PRTFDC1: variants seen among roughly 807,000 people sequenced by gnomAD.
PRTFDC1 encodes the protein phosphoribosyltransferase domain-containing protein 1.
A neutral mutation model predicts 34.6 loss-of-function variants in PRTFDC1; 38 were observed. The observed-to-expected ratio is 1.10, with a 90% CI of 0.85 to 1.44. PRTFDC1 has a LOEUF of 1.44. Among genes scored for constraint, PRTFDC1 ranks in the 40% most tolerant of loss-of-function variants. The pLI, the probability that PRTFDC1 is intolerant of heterozygous loss-of-function variation, is 0.00. For missense variants in PRTFDC1, 270 were observed against 283.0 expected, an observed-to-expected ratio of 0.95 and a Z score of 0.33; for synonymous variants, 93 against 98.1, an observed-to-expected ratio of 0.95 and a Z score of 0.31.
chr10:24,942,447 A>G lies in PRTFDC1; in HGVS notation c.49-11T>C. Reference sequence around the variant, plus strand: ...CCAATCATCCATAATCTGCAAATCAAATTATTTTGGTTATGGTATTTTTTC... The same window carrying G: ...CCAATCATCCATAATCTGCAAATCAGATTATTTTGGTTATGGTATTTTTTC... On this transcript the variant is annotated splice_polypyrimidine_tract_variant and intron_variant, in intron 1 of 8. Transcript: ENST00000320152. 6.3e-7 allele frequency: 1 copy of G among 1,596,002 alleles called. No individual in the cohort carries two copies. Among genetic ancestry groups the G allele is most frequent in the East Asian group, 2.2e-5 (1 of 44,800 alleles).
intron 3 of PRTFDC1, among the ~76,000 whole-genome samples, chr10:24,915,122 C>T (rs1215688631): frequency 6.6e-6 from 1 of 152,098 alleles, no homozygotes; most frequent in Non-Finnish European, 1.5e-5. Flanking sequence ...TCATGAGACA[C>T]ACATGGCTAG....
intron 6 of PRTFDC1, among the ~76,000 whole-genome samples, chr10:24,856,146 G>A: frequency 6.9e-6 from 1 of 145,136 alleles, no homozygotes; most frequent in Admixed American, 7.0e-5. Flanking sequence ...AAAAAAGGTA[G>A]CTGTCCTAGC....
chr10:24,905,664 T>C (rs545799773), intron 3 of PRTFDC1, among the ~76,000 whole-genome samples: 3 of 152,156 alleles, frequency 2.0e-5, no homozygotes, highest in Non-Finnish European at 4.4e-5. Context: ...TCCTGCTGGA[T>C]GGTTTCTTTC....
At chr10:24,855,166 TCA>T in intron 7 of PRTFDC1, 150 bp downstream of exon 7, 1 of 688,552 alleles carries the variant, frequency 1.5e-6, no homozygotes, top group Non-Finnish European at 2.4e-6. Flanking sequence ...GTGGGGGAGA[TCA>T]TGAGGAATCC....
Position 24,855,301 on chromosome 10 carries a change from A to C in PRTFDC1, c.553+17T>G. The C allele has an allele frequency of 1.2e-6, 2 of 1,608,948 alleles. No individual in the cohort carries two copies. Among genetic ancestry groups the C allele is most frequent in the Non-Finnish European group, 1.7e-6 (2 of 1,176,330 alleles). On this transcript the variant is annotated intron_variant, in intron 7 of 8. Coordinates refer to ENST00000320152, the MANE Select transcript of PRTFDC1 (RefSeq NM_020200.7). ...AAAACAAACAAACAAACAAACAAAAAACTGAAAAACACTTACAGTCAGGTC... is the reference window on the plus strand; with the variant it reads ...AAAACAAACAAACAAACAAACAAAACACTGAAAAACACTTACAGTCAGGTC...
intron 3 of PRTFDC1, among the ~76,000 whole-genome samples, chr10:24,894,133 CA>C (rs1353145270): frequency 6.6e-6 from 1 of 152,066 alleles, no homozygotes; most frequent in Non-Finnish European, 1.5e-5. Flanking sequence ...AGATGGAGAC[CA>C]GCCTGGCCAA....
At chr10:24,929,417 T>A (rs1031115284) in intron 3 of PRTFDC1, among the ~76,000 whole-genome samples, 1 of 152,184 alleles carries the variant, frequency 6.6e-6, no homozygotes, top group African/African-American at 2.4e-5. Flanking sequence ...CCTACTGTGG[T>A]TACACTGTGA....
chr10:24,849,759 G>T lies in PRTFDC1; in HGVS notation c.*85C>A. The T allele has an allele frequency of 7.5e-7, 1 of 1,328,674 alleles. No homozygotes were observed. The highest frequency in any genetic ancestry group is 1.2e-5 in the South Asian group (1 of 83,100). The allele number at this position is 1,328,674 out of a possible 1,614,324, so 82.3% of individuals were successfully genotyped here. On this transcript the variant is annotated 3_prime_UTR_variant, in exon 9 of 9. Coordinates refer to ENST00000320152, the MANE Select transcript of PRTFDC1 (RefSeq NM_020200.7). ...TATATCCTGCTGAGTGAAGATGCCT[G>T]GGGGGACAAACTTGACAGCTGGCTT... is the stretch of plus-strand genomic sequence containing the variant.
At chr10:24,866,369 A>G (rs917307693) in intron 4 of PRTFDC1, among the ~76,000 whole-genome samples, 3 of 150,234 alleles carry the variant, frequency 2.0e-5, no homozygotes, top group African/African-American at 4.8e-5. Context: ...TCAAAAAAAA[A>G]AAAAAAAAAA....
chr10:24,855,384 G>C lies in PRTFDC1; in HGVS notation c.507-20C>G. 6.2e-7 allele frequency: 1 copy of C among 1,613,574 alleles called. No individual in the cohort carries two copies. The highest frequency in any genetic ancestry group is 8.5e-7 in the Non-Finnish European group (1 of 1,179,612). Reference sequence around the variant, plus strand: ...AACAAACTACCATTAAAAAAGACATGCTTTAGTGAACCCAATCAAATCTCT... The same window carrying C: ...AACAAACTACCATTAAAAAAGACATCCTTTAGTGAACCCAATCAAATCTCT... On this transcript the variant is annotated intron_variant, in intron 6 of 8. Transcript: ENST00000320152.
intron 3 of PRTFDC1, among the ~76,000 whole-genome samples, chr10:24,912,609 G>C (rs1848642730): frequency 6.6e-6 from 1 of 151,956 alleles, no homozygotes; most frequent in Non-Finnish European, 1.5e-5. Context: ...CAGATGTACT[G>C]TAAGAACTCT....
intron 4 of PRTFDC1, among the ~76,000 whole-genome samples, chr10:24,866,792 AAGAGAGAG>A (rs111304267): frequency 1.3e-5 from 2 of 148,398 alleles, no homozygotes; most frequent in Non-Finnish European, 3.0e-5. Flanking sequence ...AAAAGAAAGA[AAGAGAGAG>A]AGAGAGAGAG....
intron 3 of PRTFDC1, among the ~76,000 whole-genome samples, chr10:24,881,073 T>C (rs868326095): frequency 5.8e-5 from 8 of 139,088 alleles, no homozygotes; most frequent in South Asian, 4.7e-4. Context: ...TCCTTCCTTC[T>C]TTCTTTCTTT....
Position 24,857,142 on chromosome 10 carries a change from T to C in PRTFDC1, c.424-147A>G, listed in dbSNP as rs988893367. The C allele has an allele frequency of 2.0e-5, 14 of 710,756 alleles. No homozygotes were observed. The African/African-American group carries it at 2.5e-4, about 13-fold the overall frequency. 44.0% of individuals were successfully genotyped at this position (710,756 alleles called of 1,614,324 possible). A position where few individuals can be genotyped will look rare whatever the true frequency, so the allele number is the denominator to read the frequency against. On this transcript the variant is annotated intron_variant, in intron 5 of 8. Transcript: ENST00000320152. The stretch of plus-strand genomic sequence containing the variant: ...CCACAGTAGGAGGAAGAGTTGGTTA[T>C]GTTTTATTTAGACAGGCGCTTCTTT...
intron 3 of PRTFDC1, among the ~76,000 whole-genome samples, chr10:24,932,585 A>C (rs898149750): frequency 6.6e-6 from 1 of 152,016 alleles, no homozygotes; most frequent in Non-Finnish European, 1.5e-5. Context: ...TATATATCTA[A>C]CCAAATATGC....
At chr10:24,901,155 C>T (rs1395059245) in intron 3 of PRTFDC1, among the ~76,000 whole-genome samples, 1 of 152,154 alleles carries the variant, frequency 6.6e-6, no homozygotes, top group Non-Finnish European at 1.5e-5. Flanking sequence ...TCACAAGCCA[C>T]AATTATAATT....
intron 3 of PRTFDC1, among the ~76,000 whole-genome samples, chr10:24,901,228 G>T (rs1417233153): frequency 2.0e-5 from 3 of 152,070 alleles, no homozygotes; most frequent in Admixed American, 2.0e-4. Flanking sequence ...GCAGAGCAGG[G>T]TAACATCAAG....
chr10:24,937,595 T>C (rs1343602912), intron 2 of PRTFDC1, among the ~76,000 whole-genome samples: 3 of 151,608 alleles, frequency 2.0e-5, no homozygotes, highest in African/African-American at 7.3e-5. Flanking sequence ...TCTCACTCTG[T>C]TGCCCAGGCT....
At chr10:24,938,673 G>A (rs1482835407) in intron 2 of PRTFDC1, among the ~76,000 whole-genome samples, 1 of 152,176 alleles carries the variant, frequency 6.6e-6, no homozygotes, top group Non-Finnish European at 1.5e-5. Context: ...GAGGAGGTTA[G>A]ACAGTCATAG....
Sources: gnomAD v4.1 joint callset for allele counts (sites outside exome capture counted in the v4.1 genomes callset) on GRCh38, gnomAD v4.1.1 for gene constraint, MANE v1.5 for transcripts, NCBI Gene and HGNC (gene_info 2026-07-23, HGNC 2026-07-21) for gene names.